The following WNT5B variants were observed in gnomAD, a reference collection of about 807,000 sequenced individuals.
WNT5B encodes Wnt family member 5B.
In WNT5B, 18 loss-of-function variants were observed where a neutral mutation model predicts 36.5. The ratio of observed to expected loss-of-function variants is 0.49; its 90% CI spans 0.34 to 0.73. WNT5B has a LOEUF of 0.73. Among genes scored for constraint, WNT5B ranks in the 30% least tolerant of loss-of-function variants. The pLI, the probability that WNT5B is intolerant of heterozygous loss-of-function variation, is 0.01. For synonymous variants in WNT5B, 213 were observed against 212.3 expected (o/e 1.00, Z -0.03); for missense variants, 424 against 508.4 (o/e 0.83, Z 1.60).
chr12:1,638,160 G>A (rs539550834), intron 3 of WNT5B, among the ~76,000 whole-genome samples: 2 of 152,212 alleles, frequency 1.3e-5, no homozygotes, highest in South Asian at 4.2e-4. Context: ...ACAGGAGAAT[G>A]GCGTGAACCC....
At chr12:1,619,946 AG>A (rs1430770947) in intron 1 of WNT5B, among the ~76,000 whole-genome samples, 2 of 152,252 alleles carry the variant, frequency 1.3e-5, no homozygotes, top group Non-Finnish European at 2.9e-5. Context: ...AAAATAAAAA[AG>A]GTCACATGCC....
rs2094570654 is a variant in WNT5B at position 1,639,748 on chromosome 12, GGCC to G, written c.394_396del (p.Ala132del). The G allele has an allele frequency of 6.2e-7, 1 of 1,603,916 alleles. No individual in the cohort carries two copies. Among genetic ancestry groups the G allele is most frequent in the African/African-American group, 1.3e-5 (1 of 74,572 alleles). On this transcript the variant is annotated inframe_deletion, in exon 4 of 5. Coordinates refer to ENST00000397196, the MANE Select transcript of WNT5B (RefSeq NM_032642.3). ...CGGGCGTGGTCAACGCCATCAGCCG[GGCC>G]TGCCGCGAGGGCGAGCTCTCCACCT...
At chr12:1,636,769 G>A (rs1380486184) in intron 3 of WNT5B, among the ~76,000 whole-genome samples, 1 of 151,930 alleles carries the variant, frequency 6.6e-6, no homozygotes, top group Non-Finnish European at 1.5e-5. Context: ...AGGCTGGAAT[G>A]CAATGGTGTG....
At chr12:1,626,808 G>C (rs1224366047), upstream of WNT5B, among the ~76,000 whole-genome samples, 2 of 150,174 alleles carry the variant, frequency 1.3e-5, no homozygotes, top group African/African-American at 2.5e-5. Context: ...CTCATGATCT[G>C]CCCGCCTCGG....
intron 4 of WNT5B, 36 bp from the exon 5 acceptor site, chr12:1,645,758 A>C (rs1008265752): frequency 1.8e-5 from 27 of 1,536,282 alleles, no homozygotes; most frequent in Non-Finnish European, 2.2e-5. Flanking sequence ...TTCCACCGGG[A>C]TCCTCCTTCT....
At chr12:1,639,420 A>G (rs895881166) in intron 3 of WNT5B, among the ~76,000 whole-genome samples, 1 of 151,232 alleles carries the variant, frequency 6.6e-6, no homozygotes, top group African/African-American at 2.4e-5. Context: ...TTACGGGCTG[A>G]GCCACCGCGC....
At position 1,630,281 on chromosome 12, in the gene WNT5B, C is replaced by T; in HGVS notation, c.-58+910C>T. 1.0e-6 allele frequency: 1 copy of T among 971,836 alleles called. No homozygotes were observed. The highest frequency in any genetic ancestry group is 4.8e-5 in the South Asian group (1 of 21,028). The allele number at this position is 971,836 out of a possible 1,614,324, so 60.2% of individuals were successfully genotyped here. On this transcript the variant is annotated intron_variant, in intron 1 of 4. Transcript: ENST00000397196. The surrounding 1 kb of genome is among the most constrained non-coding windows in gnomAD (Gnocchi z 5.3). ...CGCGGGTCACGCCCAGACGGGGGCC[C>T]CGGAGGACCGCGGGGGAGCCGCAGG...
At chr12:1,640,018 G>GGGGGCTGTTCC (rs776914711) in intron 4 of WNT5B, 42 bp downstream of exon 4, 1 of 1,572,972 alleles carries the variant, frequency 6.4e-7, no homozygotes, top group Non-Finnish European at 8.6e-7. Context: ...TGCAGACCTA[G>GGGGGCTGTTCC]GGGGCTGTTC....
chr12:1,644,837 C>T lies in WNT5B; in HGVS notation c.622-957C>T, dbSNP rs978568060. The T allele has an allele frequency of 2.0e-5, 3 of 152,258 alleles. No homozygotes were observed. In the East Asian group the frequency reaches 5.8e-4, roughly 29 times the overall value. 9.4% of individuals were successfully genotyped at this position (152,258 alleles called of 1,614,324 possible). Reference sequence around the variant, plus strand: ...ATAACTCAAGTTCAAATCTACTCCACGTTGTGGCGGTTCTGTGACTTCTGG... The same window carrying T: ...ATAACTCAAGTTCAAATCTACTCCATGTTGTGGCGGTTCTGTGACTTCTGG... On this transcript the variant is annotated intron_variant, in intron 4 of 4. Coordinates refer to ENST00000397196, the MANE Select transcript of WNT5B (RefSeq NM_032642.3). This position sits in a 1 kb window ranked among gnomAD's most constrained non-coding sequence, Gnocchi z 5.1.
In WNT5B at chr12:1,618,627, A is replaced by G. The variant is rs1171898052; in HGVS notation, c.-58+1484A>G. On this transcript the variant is annotated intron_variant, in intron 1 of 4. Transcript: ENST00000310594. This position sits in a 1 kb window ranked among gnomAD's most constrained non-coding sequence, Gnocchi z 4.1. ...GAGCATATTTTAAAACTATTTTATT[A>G]GTATTCAGGAGAAGGGAACTTCCTC... Among the ~76,000 whole-genome samples the G allele has an allele frequency of 6.6e-6, 1 of 152,186 alleles. No individual in the cohort carries two copies. The highest frequency in any genetic ancestry group is 2.4e-5 in the African/African-American group (1 of 41,444).
upstream of WNT5B, among the ~76,000 whole-genome samples, chr12:1,626,275 T>C (rs1206782111): frequency 6.6e-6 from 1 of 151,922 alleles, no homozygotes; most frequent in South Asian, 2.1e-4. Context: ...GTATTTTTTT[T>C]TTTTTGAGAC....
chr12:1,617,447 CA>C (rs1402738227), intron 1 of WNT5B, among the ~76,000 whole-genome samples: 1 of 151,656 alleles, frequency 6.6e-6, no homozygotes, highest in Non-Finnish European at 1.5e-5. Context: ...CTAGTCTGGG[CA>C]ACATGGTGAA....
chr12:1,633,583 G>A lies in WNT5B; in HGVS notation c.328+678G>A, dbSNP rs995505622. Among the ~76,000 whole-genome samples the A allele has an allele frequency of 7.9e-5, 12 of 152,102 alleles. No homozygotes were observed. The highest frequency in any genetic ancestry group is 2.9e-4 in the African/African-American group (12 of 41,396). ...TTGCTTAGATGGAGGTGTGATCTGA[G>A]GTCTAATTGTTTTAGGTCCTTTTGA... On this transcript the variant is annotated intron_variant, in intron 3 of 4. Coordinates refer to ENST00000397196, the MANE Select transcript of WNT5B (RefSeq NM_032642.3). This position sits in a 1 kb window ranked among gnomAD's most constrained non-coding sequence, Gnocchi z 4.8.
chr12:1,618,399 A>G lies in WNT5B; in HGVS notation c.-58+1256A>G, dbSNP rs779228625. On this transcript the variant is annotated intron_variant, in intron 1 of 4. Coordinates refer to the WNT5B transcript ENST00000310594. The surrounding 1 kb of genome is among the most constrained non-coding windows in gnomAD (Gnocchi z 4.1). ...ACAGGAATTTGCAGAAAACAGTAGCAATTGCACAAATAAATGTTTTTCCCC... is the reference window on the plus strand; with the variant it reads ...ACAGGAATTTGCAGAAAACAGTAGCGATTGCACAAATAAATGTTTTTCCCC... 1.3e-5 allele frequency among the ~76,000 whole-genome samples: 2 copies of G among 152,192 alleles called. No homozygotes were observed. Among genetic ancestry groups the G allele is most frequent in the Non-Finnish European group, 2.9e-5 (2 of 68,042 alleles).
intron 1 of WNT5B, chr12:1,629,806 G>C (rs1161045712): frequency 1.3e-5 from 2 of 150,984 alleles, no homozygotes; most frequent in Non-Finnish European, 3.0e-5. Context: ...GGATTTATGG[G>C]GGGAGAGGAG....
chr12:1,635,354 C>T (rs753067444), intron 3 of WNT5B, among the ~76,000 whole-genome samples: 1 of 152,202 alleles, frequency 6.6e-6, no homozygotes, highest in African/African-American at 2.4e-5. Flanking sequence ...AGAAATAAAT[C>T]AGACATATGT....
At chr12:1,627,575 A>C (rs1385571055), upstream of WNT5B, among the ~76,000 whole-genome samples, 1 of 152,076 alleles carries the variant, frequency 6.6e-6, no homozygotes, top group Non-Finnish European at 1.5e-5. This position sits in a 1 kb window ranked among gnomAD's most constrained non-coding sequence, Gnocchi z 5.0. Flanking sequence ...ATGGCCCCTT[A>C]AGGAAATGAA....
At position 1,645,996 on chromosome 12, in the gene WNT5B, C is replaced by T. The variant is rs771391653; in HGVS notation, c.824C>T (p.Pro275Leu). 35 of 1,611,790 alleles carry T rather than the reference C, an allele frequency of 2.2e-5. No homozygotes were observed. Among genetic ancestry groups the T allele is most frequent in the Admixed American group, 2.2e-4 (13 of 59,994 alleles). The change falls in exon 5 of 5, where the codon CCG (proline) becomes CTG (leucine). Residue 275 changes from proline to leucine, a missense_variant. Pro to Leu is a moderately conservative substitution (Grantham distance 98). Transcript: ENST00000397196. Reference sequence around the variant, plus strand: ...AACAGCCGCTTCACCCAGCCCACCCCGGAGGACCTGGTCTATGTGGACCCC... The same window carrying T: ...AACAGCCGCTTCACCCAGCCCACCCTGGAGGACCTGGTCTATGTGGACCCC... ...LVNSRFTQPT[P>L]EDLVYVDPSP...
At chr12:1,640,206 A>G (rs10773974) in intron 4 of WNT5B, among the ~76,000 whole-genome samples, 104,358 of 152,090 alleles carry the variant, frequency 0.69, 36,553 homozygotes, top group East Asian at 0.86. Flanking sequence ...TTTTCTTTTT[A>G]CTTACTTTAT....
Sources: allele counts gnomAD v4.1 joint callset (sites outside exome capture counted in the v4.1 genomes callset), GRCh38; gene constraint gnomAD v4.1.1; non-coding constraint Gnocchi (gnomAD v3.1); transcripts MANE v1.5; gene names NCBI Gene and HGNC (gene_info 2026-07-23, HGNC 2026-07-21).